TMEM233: variants seen among roughly 807,000 people sequenced by gnomAD.
TMEM233 encodes transmembrane protein 233, also known as dispanin subfamily B member 2.
A neutral mutation model predicts 11.2 loss-of-function variants in TMEM233; 6 were observed. The observed-to-expected ratio is 0.54, with a 90% CI of 0.29 to 1.06. The LOEUF is 1.06. TMEM233 is among the 50% of genes least tolerant of loss of function. The pLI is 0.08. For synonymous variants in TMEM233, 59 were observed against 55.8 expected (o/e 1.06, Z -0.26); for missense variants, 127 against 144.7 (o/e 0.88, Z 0.63).
chr12:119,647,871 G>A (rs1593319592), downstream of TMEM233, among the ~76,000 whole-genome samples: 2 of 146,714 alleles, frequency 1.4e-5, no homozygotes, highest in African/African-American at 2.5e-5. Flanking sequence ...GAGAACATGC[G>A]GTGTTTTAAA....
At chr12:119,597,975 G>A (rs1049723425) in intron 1 of TMEM233, among the ~76,000 whole-genome samples, 2 of 152,172 alleles carry the variant, frequency 1.3e-5, no homozygotes, top group South Asian at 4.1e-4. Context: ...GCTTGGTGAG[G>A]AGCACAAGCT....
At chr12:119,626,656 G>T (rs535464967) in intron 1 of TMEM233, among the ~76,000 whole-genome samples, 1 of 152,264 alleles carries the variant, frequency 6.6e-6, no homozygotes, top group African/African-American at 2.4e-5. Flanking sequence ...TATTTTATCA[G>T]AAGGCACATG....
chr12:119,654,092 A>G, the TMEM233 span, among the ~76,000 whole-genome samples: 1 of 152,122 alleles, frequency 6.6e-6, no homozygotes, highest in Non-Finnish European at 1.5e-5. Context: ...CATCACGTAC[A>G]TGGAAACAAA....
intron 1 of TMEM233, among the ~76,000 whole-genome samples, chr12:119,599,717 A>G (rs1954120285): frequency 6.6e-6 from 1 of 152,184 alleles, no homozygotes; most frequent in Non-Finnish European, 1.5e-5. Flanking sequence ...AGGGTAGGGA[A>G]AATCTTTGAA....
chr12:119,612,927 A>T (rs1954434116), intron 1 of TMEM233, among the ~76,000 whole-genome samples: 1 of 151,854 alleles, frequency 6.6e-6, no homozygotes, highest in South Asian at 2.1e-4. Context: ...AAATAAAAAT[A>T]AAAAAAAGAG....
chr12:119,635,178 T>C (rs1459631903), intron 2 of TMEM233, among the ~76,000 whole-genome samples: 1 of 152,212 alleles, frequency 6.6e-6, no homozygotes, highest in Non-Finnish European at 1.5e-5. Context: ...TTTGCAGGCT[T>C]TTGCTTCCTG....
chr12:119,604,340 C>T (rs1006390971), intron 1 of TMEM233, among the ~76,000 whole-genome samples: 10 of 152,290 alleles, frequency 6.6e-5, no homozygotes, highest in South Asian at 2.1e-4. Flanking sequence ...TGGAGCTTTT[C>T]GGAGCCTTTG....
chr12:119,596,678 AGACAGGGTTT>A, intron 1 of TMEM233, among the ~76,000 whole-genome samples: 1 of 151,968 alleles, frequency 6.6e-6, no homozygotes, highest in South Asian at 2.1e-4. Flanking sequence ...TTTTTAGTAG[AGACAGGGTTT>A]GACCATGTTG....
intron 1 of TMEM233, among the ~76,000 whole-genome samples, chr12:119,605,744 A>C (rs1444213930): frequency 6.6e-6 from 1 of 151,900 alleles, no homozygotes; most frequent in Admixed American, 6.6e-5. Flanking sequence ...TTACCCTTTG[A>C]TAGGAAACAG....
intron 2 of TMEM233, among the ~76,000 whole-genome samples, chr12:119,637,506 G>T (rs1954989043): frequency 6.6e-6 from 1 of 152,302 alleles, no homozygotes; most frequent in Middle Eastern, 3.4e-3. Flanking sequence ...ATCAGAATTG[G>T]AAGGAGACAT....
chr12:119,640,194 G>T, intron 2 of TMEM233, among the ~76,000 whole-genome samples: 1 of 152,164 alleles, frequency 6.6e-6, no homozygotes, highest in South Asian at 2.1e-4. Flanking sequence ...TTGCTCAGTC[G>T]CCCAGGCTGG....
chr12:119,595,245 T>G lies in TMEM233; in HGVS notation c.186+1211T>G, dbSNP rs1290325232. Among the ~76,000 whole-genome samples, 2 of 152,144 alleles carry G rather than the reference T, an allele frequency of 1.3e-5. No homozygotes were observed. The highest frequency in any genetic ancestry group is 2.9e-5 in the Non-Finnish European group (2 of 68,022). On this transcript the variant is annotated intron_variant, in intron 1 of 2. Transcript: ENST00000426426. The surrounding 1 kb of genome is among the most constrained non-coding windows in gnomAD (Gnocchi z 4.3). ...ACTGTCCCGGGACAACCCTTGCAGT[T>G]GCGCTCCCTCCCCCACCGGCTCACC... is the stretch of plus-strand genomic sequence containing the variant.
chr12:119,631,863 G>A (rs951260944), intron 2 of TMEM233, among the ~76,000 whole-genome samples: 4 of 152,218 alleles, frequency 2.6e-5, no homozygotes, highest in African/African-American at 9.6e-5. Context: ...CCCACAGAAT[G>A]TGTAGGTTGG....
At position 119,606,388 on chromosome 12, in the gene TMEM233, G is replaced by A. The variant is rs558191767; in HGVS notation, c.186+12354G>A. Among the ~76,000 whole-genome samples the A allele has an allele frequency of 1.2e-4, 19 of 152,148 alleles. No homozygotes were observed. In the East Asian group the frequency reaches 2.7e-3, roughly 22 times the overall value. The stretch of plus-strand genomic sequence containing the variant: ...AACCAAATATGTGCTAGACATAAAG[G>A]AATGAAGATGATGAGGATGGTTTTG... On this transcript the variant is annotated intron_variant, in intron 1 of 2. Coordinates refer to ENST00000426426, the MANE Select transcript of TMEM233 (RefSeq NM_001136534.3).
intron 2 of TMEM233, among the ~76,000 whole-genome samples, chr12:119,633,763 C>T (rs1954928122): frequency 6.6e-6 from 1 of 152,120 alleles, no homozygotes; most frequent in Non-Finnish European, 1.5e-5. Context: ...CTCAGTAATC[C>T]TTTGAAATTA....
downstream of TMEM233, among the ~76,000 whole-genome samples, chr12:119,645,320 C>CAAAAAAA (rs3078450): frequency 0.02 from 1,497 of 74,686 alleles, 111 homozygotes; most frequent in Middle Eastern, 0.037. Flanking sequence ...CACCAATTAC[C>CAAAAAAA]AAAAAAAAAA....
chr12:119,595,299 C>T lies in TMEM233; in HGVS notation c.186+1265C>T, dbSNP rs1043050137. Among the ~76,000 whole-genome samples, 1 of 152,248 alleles carries T rather than the reference C, an allele frequency of 6.6e-6. No homozygotes were observed. Among genetic ancestry groups the T allele is most frequent in the African/African-American group, 2.4e-5 (1 of 41,478 alleles). On this transcript the variant is annotated intron_variant, in intron 1 of 2. Coordinates refer to ENST00000426426, the MANE Select transcript of TMEM233 (RefSeq NM_001136534.3). This position sits in a 1 kb window ranked among gnomAD's most constrained non-coding sequence, Gnocchi z 4.3. Reference sequence around the variant, plus strand: ...CCTGCAGCTGGGCCACGGAACTCCCCGGCCACAGACGCAGAGCCCTGATTC... The same window carrying T: ...CCTGCAGCTGGGCCACGGAACTCCCTGGCCACAGACGCAGAGCCCTGATTC...
intron 1 of TMEM233, among the ~76,000 whole-genome samples, chr12:119,628,117 C>G (rs1954800469): frequency 6.6e-6 from 1 of 152,072 alleles, no homozygotes. Context: ...AACCAGGGCT[C>G]TAATGCTGCT....
chr12:119,620,079 T>C (rs747302448), intron 1 of TMEM233, among the ~76,000 whole-genome samples: 7 of 152,208 alleles, frequency 4.6e-5, no homozygotes, highest in Non-Finnish European at 1.0e-4. Context: ...CCAGGCACTG[T>C]GTGGGTCATG....
Sources: gnomAD v4.1 joint callset for allele counts (sites outside exome capture counted in the v4.1 genomes callset) on GRCh38, gnomAD v4.1.1 for gene constraint, Gnocchi (gnomAD v3.1) non-coding constraint, MANE v1.5 for transcripts, NCBI Gene and HGNC (gene_info 2026-07-23, HGNC 2026-07-21) for gene names.